Variants in ASIC2 observed in about 807,000 individuals in gnomAD.
ASIC2 encodes the protein acid-sensing ion channel 2.
Under a neutral mutation model 57.3 loss-of-function variants are expected in ASIC2, and 25 were observed. The observed-to-expected ratio is 0.44, with a 90% CI of 0.32 to 0.61. The LOEUF (loss-of-function observed/expected upper bound fraction) is 0.61. Among genes scored for constraint, ASIC2 ranks in the 20% least tolerant of loss-of-function variants. ASIC2 has a pLI of 0.06. For synonymous variants in ASIC2, 319 were observed against 307.5 expected (o/e 1.04, Z -0.39); for missense variants, 641 against 738.1 (o/e 0.87, Z 1.52).
At chr17:33,041,907 A>T (rs2091931480) in intron 3 of ASIC2, among the ~76,000 whole-genome samples, 2 of 152,176 alleles carry the variant, frequency 1.3e-5, no homozygotes, top group East Asian at 3.9e-4. Context: ...TTCTAGGATC[A>T]GGTGGCCCTG....
chr17:34,023,269 G>T (rs1379222436), intron 1 of ASIC2, among the ~76,000 whole-genome samples: 1 of 151,438 alleles, frequency 6.6e-6, no homozygotes, highest in Non-Finnish European at 1.5e-5. Context: ...CTTTCCTTCT[G>T]CTTCTATTTG....
At chr17:33,646,458 C>T (rs1906743105) in intron 1 of ASIC2, among the ~76,000 whole-genome samples, 1 of 152,148 alleles carries the variant, frequency 6.6e-6, no homozygotes, top group East Asian at 1.9e-4. Context: ...CTCTTTCTGC[C>T]CTGGGTGGTA....
At chr17:33,960,273 C>T (rs144805691) in intron 1 of ASIC2, among the ~76,000 whole-genome samples, 28 of 152,310 alleles carry the variant, frequency 1.8e-4, no homozygotes, top group African/African-American at 6.0e-4. Context: ...CAGAGGATAC[C>T]AGACCCAAGA....
At chr17:34,118,918 TGACA>T (rs1463047259) in intron 1 of ASIC2, 19 of 152,422 alleles carry the variant, frequency 1.2e-4, no homozygotes, top group African/African-American at 4.6e-4. Context: ...TTCACTCTGC[TGACA>T]GACAGATGAT....
chr17:33,384,006 T>C (rs970274085), intron 1 of ASIC2, among the ~76,000 whole-genome samples: 1 of 152,144 alleles, frequency 6.6e-6, no homozygotes, highest in Non-Finnish European at 1.5e-5. Flanking sequence ...GCATGCATTA[T>C]TAAAAGTAGA....
chr17:33,379,309 T>G (rs1366508651), intron 1 of ASIC2, among the ~76,000 whole-genome samples: 2 of 152,160 alleles, frequency 1.3e-5, no homozygotes, highest in Non-Finnish European at 2.9e-5. Context: ...TATCTTACAC[T>G]CTGGCAGTTG....
At chr17:34,069,325 CTCTT>C (rs375867782) in intron 1 of ASIC2, 72,159 of 144,038 alleles carry the variant, frequency 0.5, 20,546 homozygotes, top group Middle Eastern at 0.64. Flanking sequence ...TTCCTTTCCT[CTCTT>C]TCTTTTTCTT....
chr17:33,733,533 A>G (rs1012565061), intron 1 of ASIC2, among the ~76,000 whole-genome samples: 3 of 152,190 alleles, frequency 2.0e-5, no homozygotes, highest in African/African-American at 4.8e-5. Context: ...ATGTGCATAC[A>G]TTCCTCTCTG....
At chr17:33,830,289 G>C (rs1192718075) in intron 1 of ASIC2, among the ~76,000 whole-genome samples, 3 of 152,148 alleles carry the variant, frequency 2.0e-5, no homozygotes. Flanking sequence ...TCTGAGAGAA[G>C]AGAAGGTAGG....
chr17:33,029,605 T>G (rs1340145517), intron 3 of ASIC2, among the ~76,000 whole-genome samples: 1 of 152,252 alleles, frequency 6.6e-6, no homozygotes, highest in Non-Finnish European at 1.5e-5. Flanking sequence ...TATACATAAG[T>G]CATTTTGTGG....
In ASIC2 at chr17:33,028,277, A is replaced by G. The variant is rs1300876306; in HGVS notation, c.1103T>C (p.Val368Ala). Reference sequence around the variant, plus strand: ...AACCATGCGGCAGTTGCAGTTTTCCACAATGTAGCGGGTCTCACAGTCAAT... The same window carrying G: ...AACCATGCGGCAGTTGCAGTTTTCCGCAATGTAGCGGGTCTCACAGTCAAT... ...CRIDCETRYI[V>A]ENCNCRMVHM... is the part of the protein sequence containing the mutation. Residue 368 changes from valine (V) to alanine (A), a missense_variant, in exon 4 of 10, where the codon GTG becomes GCG. This residue lies in a region of ASIC2 where 252 missense variants were observed against 319.8 expected (regional missense o/e 0.79). Coordinates refer to ENST00000225823, the MANE Select transcript of ASIC2 (RefSeq NM_183377.2). 1 of 1,614,140 alleles carries G rather than the reference A, an allele frequency of 6.2e-7. No homozygotes were observed. The highest frequency in any genetic ancestry group is 1.3e-5 in the African/African-American group (1 of 75,046).
intron 1 of ASIC2, among the ~76,000 whole-genome samples, chr17:34,114,821 G>A (rs1052714110): frequency 3.9e-5 from 6 of 152,192 alleles, no homozygotes; most frequent in African/African-American, 1.4e-4. Context: ...GTGGGTAAGA[G>A]GAGGCAGACA....
chr17:33,759,319 C>A (rs890562524), intron 1 of ASIC2, among the ~76,000 whole-genome samples: 1 of 152,148 alleles, frequency 6.6e-6, no homozygotes, highest in African/African-American at 2.4e-5. Context: ...GAAAAAATTT[C>A]TAAACAGCAA....
intron 1 of ASIC2, among the ~76,000 whole-genome samples, chr17:34,132,690 A>C (rs1332306960): frequency 6.6e-6 from 1 of 152,080 alleles, no homozygotes; most frequent in African/African-American, 2.4e-5. Context: ...CTAAGTCCCC[A>C]CTCGACCCAC....
chr17:33,147,528 A>G (rs1904609969), intron 1 of ASIC2, among the ~76,000 whole-genome samples: 1 of 152,206 alleles, frequency 6.6e-6, no homozygotes, highest in Non-Finnish European at 1.5e-5. Context: ...GTTCTCTCTA[A>G]CAAGTTTCAA....
At position 33,256,012 on chromosome 17, in the gene ASIC2, G is replaced by A. The variant is rs557529727; in HGVS notation, c.708+35396C>T. On this transcript the variant is annotated intron_variant, in intron 1 of 9. Coordinates refer to ENST00000225823, the MANE Select transcript of ASIC2 (RefSeq NM_183377.2). ...CACAGTAATGTTTAATTCACACTAG[G>A]AAAAAAAACGCATTACAGATTCATA... 1.2e-3 allele frequency among the ~76,000 whole-genome samples: 181 copies of A among 151,652 alleles called. 2 individuals carry two copies. In the South Asian group the frequency reaches 0.014, roughly 12 times the overall value.
At chr17:34,138,310 C>T (rs1384755444) in intron 1 of ASIC2, among the ~76,000 whole-genome samples, 5 of 152,208 alleles carry the variant, frequency 3.3e-5, no homozygotes, top group African/African-American at 1.2e-4. Context: ...ATAGCCAATG[C>T]TCAGTAAATG....
chr17:33,672,940 TG>T (rs1330356155), intron 1 of ASIC2, among the ~76,000 whole-genome samples: 1 of 152,166 alleles, frequency 6.6e-6, no homozygotes, highest in Non-Finnish European at 1.5e-5. Flanking sequence ...GTTTGTGAAA[TG>T]GGTCAATAAA....
At chr17:33,142,851 T>C (rs558669774) in intron 1 of ASIC2, among the ~76,000 whole-genome samples, 18 of 152,218 alleles carry the variant, frequency 1.2e-4, no homozygotes, top group Non-Finnish European at 2.4e-4. Flanking sequence ...TCTATATGTA[T>C]CCCGTAGATG....
Sources: gnomAD v4.1 joint callset for allele counts (sites outside exome capture counted in the v4.1 genomes callset) on GRCh38, gnomAD v4.1.1 for gene constraint, gnomAD v4.1.1 regional missense constraint, MANE v1.5 for transcripts, NCBI Gene and HGNC (gene_info 2026-07-23, HGNC 2026-07-21) for gene names.